NYAP2: variants seen among roughly 807,000 people sequenced by gnomAD.
NYAP2 encodes neuronal tyrosine-phosphorylated phosphoinositide-3-kinase adaptor 2.
Under a neutral mutation model 50.4 loss-of-function variants are expected in NYAP2, and 23 were observed. The ratio of observed to expected loss-of-function variants is 0.46; its 90% CI spans 0.33 to 0.65. The LOEUF is 0.65. Among genes scored for constraint, NYAP2 ranks in the 30% least tolerant of loss-of-function variants. NYAP2 has a pLI of 0.02. For missense variants in NYAP2, 885 were observed against 861.0 expected (o/e 1.03, Z -0.35); for synonymous variants, 394 against 365.2 (o/e 1.08, Z -0.90).
At chr2:225,438,912 ACC>A (rs1483327282) in intron 3 of NYAP2, among the ~76,000 whole-genome samples, 1 of 152,240 alleles carries the variant, frequency 6.6e-6, no homozygotes, top group Non-Finnish European at 1.5e-5. Context: ...GCTCAGAAGT[ACC>A]CAAGTATAAT....
intron 3 of NYAP2, among the ~76,000 whole-genome samples, chr2:225,446,459 C>T (rs1689567557): frequency 6.6e-6 from 1 of 151,338 alleles, no homozygotes; most frequent in Admixed American, 6.6e-5. Context: ...AACAAAAACC[C>T]AAAAACCAAT....
At chr2:225,520,888 A>G (rs1691041516) in intron 4 of NYAP2, among the ~76,000 whole-genome samples, 1 of 152,032 alleles carries the variant, frequency 6.6e-6, no homozygotes, top group Non-Finnish European at 1.5e-5. Flanking sequence ...CATGGTATTG[A>G]TTCTTCCTAC....
chr2:225,616,454 G>A (rs1692993757), intron 5 of NYAP2, among the ~76,000 whole-genome samples: 1 of 152,142 alleles, frequency 6.6e-6, no homozygotes, highest in Non-Finnish European at 1.5e-5. Context: ...TGGGCTTGTA[G>A]GTAAACTTCT....
intron 5 of NYAP2, among the ~76,000 whole-genome samples, chr2:225,602,385 A>G (rs79476101): frequency 0.013 from 2,013 of 152,294 alleles, 20 homozygotes; most frequent in Middle Eastern, 0.024. Flanking sequence ...GGATTTGTTT[A>G]TCTGGGTTCA....
intron 5 of NYAP2, among the ~76,000 whole-genome samples, chr2:225,604,148 G>A (rs991028574): frequency 3.3e-5 from 5 of 152,130 alleles, no homozygotes; most frequent in African/African-American, 4.8e-5. Flanking sequence ...GTGTGTAGAA[G>A]TGAAAGAGTG....
At chr2:225,668,989 C>CTGT in the NYAP2 span, among the ~76,000 whole-genome samples, 1 of 47,398 alleles carries the variant, frequency 2.1e-5, no homozygotes, top group African/African-American at 8.9e-5. Flanking sequence ...TTTTTTTTTG[C>CTGT]TGCTAATGGC....
intron 3 of NYAP2, among the ~76,000 whole-genome samples, chr2:225,496,670 A>G (rs1690511370): frequency 6.6e-6 from 1 of 152,192 alleles, no homozygotes; most frequent in Non-Finnish European, 1.5e-5. Context: ...AGTAAAAAGG[A>G]GATTCTTTCC....
intron 2 of NYAP2, among the ~76,000 whole-genome samples, chr2:225,405,613 A>G (rs552866482): frequency 6.6e-6 from 1 of 152,130 alleles, no homozygotes; most frequent in South Asian, 2.1e-4. Flanking sequence ...GTAATGAAGT[A>G]GACAATGAAC....
At chr2:225,610,041 T>C (rs573427772) in intron 5 of NYAP2, among the ~76,000 whole-genome samples, 1 of 152,286 alleles carries the variant, frequency 6.6e-6, no homozygotes, top group Non-Finnish European at 1.5e-5. Context: ...AGTTGCCTCA[T>C]AGTTCTTAGA....
chr2:225,442,860 C>T (rs150879477), intron 3 of NYAP2, among the ~76,000 whole-genome samples: 62 of 152,208 alleles, frequency 4.1e-4, no homozygotes, highest in East Asian at 1.7e-3. Context: ...TATGGGCGTG[C>T]GCCACCGTGC....
chr2:225,507,205 A>G (rs1473166948), intron 3 of NYAP2, among the ~76,000 whole-genome samples: 2 of 152,152 alleles, frequency 1.3e-5, no homozygotes, highest in Non-Finnish European at 2.9e-5. Context: ...GTGGGATTAT[A>G]TTTTTCCCAG....
chr2:225,673,697 G>A, the NYAP2 span, among the ~76,000 whole-genome samples: 1 of 152,208 alleles, frequency 6.6e-6, no homozygotes, highest in African/African-American at 2.4e-5. Flanking sequence ...CCCTTTTGGG[G>A]TTAGGATTCT....
intron 4 of NYAP2, among the ~76,000 whole-genome samples, chr2:225,540,562 C>G (rs1301783928): frequency 6.6e-6 from 1 of 152,226 alleles, no homozygotes; most frequent in African/African-American, 2.4e-5. Flanking sequence ...TTACTTCCCA[C>G]TTGGTCCCTT....
the NYAP2 span, among the ~76,000 whole-genome samples, chr2:225,694,036 G>C: frequency 6.6e-6 from 1 of 152,032 alleles, no homozygotes; most frequent in Non-Finnish European, 1.5e-5. Flanking sequence ...TCTTGTCCTA[G>C]AGGTGTGTGT....
At chr2:225,509,527 C>T (rs62188682) in intron 3 of NYAP2, among the ~76,000 whole-genome samples, 44,774 of 152,036 alleles carry the variant, frequency 0.29, 6,822 homozygotes, top group South Asian at 0.48. Context: ...AACCTCCCAC[C>T]TCAGTCTCCA....
At chr2:225,443,322 T>G (rs965192731) in intron 3 of NYAP2, among the ~76,000 whole-genome samples, 2 of 152,226 alleles carry the variant, frequency 1.3e-5, no homozygotes, top group Admixed American at 6.5e-5. Flanking sequence ...ATTAATGAGA[T>G]AGCAGAATGA....
intron 3 of NYAP2, among the ~76,000 whole-genome samples, chr2:225,424,623 G>A (rs1194293148): frequency 1.3e-5 from 2 of 151,768 alleles, no homozygotes; most frequent in African/African-American, 4.8e-5. Context: ...GAACTACAAA[G>A]TCAAAAAGTC....
At chr2:225,460,221 A>G (rs1689806725) in intron 3 of NYAP2, among the ~76,000 whole-genome samples, 1 of 152,154 alleles carries the variant, frequency 6.6e-6, no homozygotes, top group African/African-American at 2.4e-5. Context: ...AGTCCCCCTT[A>G]CAGATACTAT....
chr2:225,441,869 C>T (rs966547486), intron 3 of NYAP2, among the ~76,000 whole-genome samples: 2 of 152,160 alleles, frequency 1.3e-5, no homozygotes, highest in Non-Finnish European at 2.9e-5. Context: ...GTTTCCTCAT[C>T]TATAAATTGG....
Sources: allele counts gnomAD v4.1 joint callset (sites outside exome capture counted in the v4.1 genomes callset), GRCh38; gene constraint gnomAD v4.1.1; transcripts MANE v1.5; gene names NCBI Gene and HGNC (gene_info 2026-07-23, HGNC 2026-07-21).